The following ARHGAP6 variants were observed in gnomAD, a reference collection of about 807,000 sequenced individuals.
The protein encoded by ARHGAP6 is rho GTPase-activating protein 6.
Under a neutral mutation model 55.7 loss-of-function variants are expected in ARHGAP6, and 16 were observed. The observed-to-expected ratio is 0.29, with a 90% CI of 0.19 to 0.44. The LOEUF is 0.44. Ranked by LOEUF, ARHGAP6 falls within the 20% of genes least tolerant of loss-of-function variation. The pLI is 1.00. For synonymous variants in ARHGAP6, 382 were observed against 360.9 expected, an observed-to-expected ratio of 1.06 and a Z score of -0.66; for missense variants, 698 against 808.9, an observed-to-expected ratio of 0.86 and a Z score of 1.66.
At chrX:11,420,884 G>C (rs1037483760) in intron 1 of ARHGAP6, among the ~76,000 whole-genome samples, 1 of 112,262 alleles carries the variant, frequency 8.9e-6, no homozygotes, top group African/African-American at 3.2e-5. Flanking sequence ...TGTTAAACGG[G>C]TATTCTGGCT....
At chrX:11,411,204 TATATATATATATATATATAA>T (rs1276792901) in intron 1 of ARHGAP6, among the ~76,000 whole-genome samples, 1 of 80,524 alleles carries the variant, frequency 1.2e-5, no homozygotes, top group African/African-American at 4.7e-5. Context: ...TATATATATA[TATATATATATATATATATAA>T]AATATACAAA....
chrX:11,504,327 T>A lies in ARHGAP6; in HGVS notation c.588+159914A>T, dbSNP rs1003101293. On this transcript the variant is annotated intron_variant, in intron 1 of 12. Transcript: ENST00000337414. The stretch of plus-strand genomic sequence containing the variant: ...TGTACTATTGACATTTTAGACTAGA[T>A]AATTTGTTGTTGTCAGGCTGTGCTG... 1.1e-4 allele frequency among the ~76,000 whole-genome samples: 12 copies of A among 111,735 alleles called. No homozygotes were observed. In the East Asian group the frequency reaches 3.1e-3, roughly 29 times the overall value.
At chrX:11,263,505 G>A (rs1429219144) in intron 1 of ARHGAP6, among the ~76,000 whole-genome samples, 2 of 112,170 alleles carry the variant, frequency 1.8e-5, no homozygotes, top group Non-Finnish European at 3.8e-5. Context: ...TAAGAAATGT[G>A]TGCTGAATTA....
At chrX:11,198,015 A>C (rs1244371955) in intron 2 of ARHGAP6, among the ~76,000 whole-genome samples, 1 of 112,151 alleles carries the variant, frequency 8.9e-6, no homozygotes, top group Non-Finnish European at 1.9e-5. Context: ...CACACTAAAA[A>C]TGTAAAGAAA....
At chrX:11,358,688 G>C (rs2048969655) in intron 1 of ARHGAP6, among the ~76,000 whole-genome samples, 2 of 110,119 alleles carry the variant, frequency 1.8e-5, no homozygotes, top group African/African-American at 6.6e-5. Flanking sequence ...CTCCATGTTG[G>C]TCAGGACAGT....
At chrX:11,558,101 T>A (rs1009963014) in intron 1 of ARHGAP6, among the ~76,000 whole-genome samples, 1 of 112,054 alleles carries the variant, frequency 8.9e-6, no homozygotes, top group Non-Finnish European at 1.9e-5. Context: ...AAAATTAAAA[T>A]CCAAGCAATC....
intron 1 of ARHGAP6, among the ~76,000 whole-genome samples, chrX:11,324,096 G>A (rs6654940): frequency 0.038 from 4,246 of 111,250 alleles, 205 homozygotes; most frequent in African/African-American, 0.13. Flanking sequence ...CAAACTTTAC[G>A]CCCTAAAGTT....
At chrX:11,615,513 G>C (rs755383061) in intron 1 of ARHGAP6, among the ~76,000 whole-genome samples, 1 of 111,646 alleles carries the variant, frequency 9.0e-6, no homozygotes, top group East Asian at 2.8e-4. Flanking sequence ...GAAGGCCACA[G>C]AACAACTCCC....
At chrX:11,460,353 T>C (rs192445988) in intron 1 of ARHGAP6, among the ~76,000 whole-genome samples, 104 of 111,398 alleles carry the variant, frequency 9.3e-4, no homozygotes, top group Non-Finnish European at 1.4e-3. Context: ...GCCATCAACA[T>C]GAGCTTGGAA....
intron 2 of ARHGAP6, among the ~76,000 whole-genome samples, chrX:11,229,173 GAC>G (rs747799929): frequency 1.8e-3 from 197 of 112,072 alleles, no homozygotes; most frequent in Non-Finnish European, 3.1e-3. Context: ...AGGTTAAAGA[GAC>G]AATTCCAATG....
chrX:11,255,177 A>G (rs1317565447), intron 1 of ARHGAP6, among the ~76,000 whole-genome samples: 3 of 111,807 alleles, frequency 2.7e-5, no homozygotes, highest in African/African-American at 9.7e-5. Flanking sequence ...CATGGGGCAC[A>G]TGGTGATATT....
At chrX:11,279,859 G>C (rs1248262108) in intron 1 of ARHGAP6, among the ~76,000 whole-genome samples, 6 of 111,377 alleles carry the variant, frequency 5.4e-5, no homozygotes, top group Non-Finnish European at 1.1e-4. Flanking sequence ...TAGGTACTTT[G>C]TCCTAGGTCA....
At chrX:11,216,420 G>A (rs1027720848) in intron 2 of ARHGAP6, among the ~76,000 whole-genome samples, 2 of 111,565 alleles carry the variant, frequency 1.8e-5, no homozygotes, top group African/African-American at 6.5e-5. Flanking sequence ...CTGGGAGGCC[G>A]AGGTGGGTAA....
At chrX:11,206,691 AG>A (rs1239081215) in intron 2 of ARHGAP6, among the ~76,000 whole-genome samples, 2 of 111,700 alleles carry the variant, frequency 1.8e-5, no homozygotes, top group African/African-American at 6.5e-5. Context: ...TATAATTACA[AG>A]AAGCAGCTCA....
chrX:11,484,605 G>A (rs1030008089), intron 1 of ARHGAP6, among the ~76,000 whole-genome samples: 1 of 109,130 alleles, frequency 9.2e-6, no homozygotes, highest in African/African-American at 3.3e-5. Context: ...GAAAGAAGAG[G>A]AAGAAAAGAA....
intron 2 of ARHGAP6, among the ~76,000 whole-genome samples, chrX:11,197,267 G>GA (rs1478977242): frequency 2.7e-5 from 3 of 111,530 alleles, no homozygotes; most frequent in Non-Finnish European, 5.7e-5. Flanking sequence ...TTGACATTTA[G>GA]ATAGGTTTAA....
chrX:11,286,596 G>A (rs945090194), intron 1 of ARHGAP6, among the ~76,000 whole-genome samples: 2 of 111,147 alleles, frequency 1.8e-5, no homozygotes, highest in African/African-American at 6.6e-5. Context: ...AACTAGGGGC[G>A]AATTTGCCCC....
At chrX:11,386,015 T>A in intron 1 of ARHGAP6, among the ~76,000 whole-genome samples, 1 of 112,292 alleles carries the variant, frequency 8.9e-6, no homozygotes, top group Non-Finnish European at 1.9e-5. Flanking sequence ...CTGGAACAGC[T>A]GTGGAAGTGT....
chrX:11,647,717 A>G (rs2052544678), intron 1 of ARHGAP6, among the ~76,000 whole-genome samples: 1 of 112,374 alleles, frequency 8.9e-6, no homozygotes, highest in Non-Finnish European at 1.9e-5. Context: ...AGCATCATCA[A>G]TAAAAGAAAC....
Sources: allele counts gnomAD v4.1 joint callset (sites outside exome capture counted in the v4.1 genomes callset), GRCh38; gene constraint gnomAD v4.1.1; transcripts MANE v1.5; gene names NCBI Gene and HGNC (gene_info 2026-07-23, HGNC 2026-07-21).